Variants in F5 observed in about 807,000 individuals in gnomAD.
F5 encodes activated protein c cofactor.
A neutral mutation model predicts 216.4 loss-of-function variants in F5; 138 were observed. The observed-to-expected ratio is 0.64, with a 90% confidence interval of 0.56 to 0.73. The LOEUF is 0.73. F5 is among the 30% of genes least tolerant of loss of function. The pLI, the probability that F5 is intolerant of heterozygous loss-of-function variation, is 0.00. For missense variants in F5, 2,403 were observed against 2,674.0 expected, an observed-to-expected ratio of 0.90 and a Z score of 2.24; for synonymous variants, 916 against 930.7, an observed-to-expected ratio of 0.98 and a Z score of 0.29.
At position 169,529,788 on chromosome 1, in the gene F5, G is replaced by C. The variant is rs764200671; in HGVS notation, c.5239C>G (p.Pro1747Ala). 4 of 1,613,430 alleles carry C rather than the reference G, an allele frequency of 2.5e-6. No homozygotes were observed. In the East Asian group the frequency reaches 8.9e-5, roughly 36 times the overall value. ...ATTCCTTTTTGGCAGATTAGGAGGG[G>C]ACCTATCAAGCCTGAGTGAATATCT... The part of the protein sequence containing the change: ...EKDIHSGLIG[P>A]LLICQKGILH... The change falls in exon 16 of 25, where the codon CCC becomes GCC. Residue 1747 changes from proline (P) to alanine (A), a missense_variant. This residue lies in a region of F5 where 659 missense variants were observed against 787.9 expected (regional missense o/e 0.84). Transcript: ENST00000367797.
intron 5 of F5, among the ~76,000 whole-genome samples, chr1:169,557,918 G>A (rs1350102887): frequency 6.6e-6 from 1 of 152,046 alleles, no homozygotes; most frequent in African/African-American, 2.4e-5. Context: ...AAGGCAGAGG[G>A]TTTTTACAAA....
intron 7 of F5, among the ~76,000 whole-genome samples, chr1:169,553,394 T>C (rs1451723804): frequency 3.3e-5 from 5 of 152,104 alleles, no homozygotes; most frequent in Non-Finnish European, 7.4e-5. Context: ...ACATCAGTGT[T>C]CATGAGAGAA....
chr1:169,515,134 G>T (rs9332671), intron 24 of F5, among the ~76,000 whole-genome samples: 338 of 152,144 alleles, frequency 2.2e-3, no homozygotes, highest in African/African-American at 7.6e-3. Flanking sequence ...CTCAACTAAA[G>T]TGTATAACTT....
In F5 at chr1:169,550,865, A is replaced by G. The variant is rs531430838; in HGVS notation, c.1297-126T>C. On this transcript the variant is annotated intron_variant, in intron 8 of 24. Coordinates refer to ENST00000367797, the MANE Select transcript of F5 (RefSeq NM_000130.5). ...TATACATGTGTACACACAGTAGGAA[A>G]ATTAGATCTGTTTATCTGAGCAGTA... The G allele has an allele frequency of 1.4e-5, 10 of 707,668 alleles. 1 individual carries two copies. In the South Asian group the frequency reaches 1.6e-4, roughly 11 times the overall value. 43.8% of individuals were successfully genotyped at this position (707,668 alleles called of 1,614,324 possible).
At chr1:169,582,981 G>C (rs1315179806) in intron 1 of F5, among the ~76,000 whole-genome samples, 2 of 152,210 alleles carry the variant, frequency 1.3e-5, no homozygotes, top group African/African-American at 4.8e-5. Context: ...TGAGAGGTGA[G>C]AGATGGCTAA....
At chr1:169,567,495 C>G (rs1246059474) in intron 3 of F5, among the ~76,000 whole-genome samples, 1 of 150,670 alleles carries the variant, frequency 6.6e-6, no homozygotes, top group Non-Finnish European at 1.5e-5. Flanking sequence ...AGTGATGTAT[C>G]TATTCCAAAG....
At position 169,514,343 on chromosome 1, in the gene F5, G is replaced by A. The variant is rs777096123; in HGVS notation, c.6645C>T (p.Arg2215=). 76 of 1,613,170 alleles carry A rather than the reference G, an allele frequency of 4.7e-5. No homozygotes were observed. Among genetic ancestry groups the A allele is most frequent in the Non-Finnish European group, 6.3e-5 (74 of 1,179,538 alleles). Residue 2215 remains arginine (R), a synonymous_variant, in exon 25 of 25, where the codon CGC becomes CGT. Transcript: ENST00000367797. ...AAATATCACAGCCAAAGAGTTCCAG[G>A]CGAAGTGCAATACTTTGATTCCATG... ...PKTWNQSIAL[R]LELFGCDIY
intron 2 of F5, among the ~76,000 whole-genome samples, chr1:169,579,486 G>T (rs902981267): frequency 1.3e-5 from 2 of 151,928 alleles, no homozygotes; most frequent in African/African-American, 4.8e-5. Context: ...CTCTTTTGAG[G>T]GCCAAACTTC....
At chr1:169,519,845 G>C (rs1158360878) in intron 22 of F5, among the ~76,000 whole-genome samples, 2 of 152,108 alleles carry the variant, frequency 1.3e-5, no homozygotes, top group Admixed American at 1.3e-4. Context: ...GTGCTTTGAA[G>C]TAAAAAATAT....
rs755006563 is a variant in F5, at chr1:169,540,456, G to A, written c.4634C>T (p.Pro1545Leu). Residue 1545 changes from proline to leucine, a missense_variant, in exon 13 of 25, where the codon CCC (proline) becomes CTC (leucine). Physicochemically the swap from Pro to Leu is moderately conservative, Grantham distance 98. This residue lies in a region of F5 where 293 missense variants were observed against 270.8 expected (regional missense o/e 1.08). Transcript: ENST00000367797. ...ATCAGTTTTGTAGGGGTCATCATAG[G>A]GCACATAATCAATTTCAGCATAGTC... ...EDDYAEIDYVPYDDPYKTDVR... is the reference protein window; with the variant it reads ...EDDYAEIDYVLYDDPYKTDVR... The A allele has an allele frequency of 1.2e-5, 20 of 1,613,780 alleles. No individual in the cohort carries two copies. The highest frequency in any genetic ancestry group is 1.6e-5 in the Non-Finnish European group (19 of 1,179,950).
intron 23 of F5, 105 bp from the exon 24 acceptor site, chr1:169,515,731 C>G (rs147157282): frequency 1.8e-6 from 2 of 1,131,170 alleles, no homozygotes; most frequent in African/African-American, 3.1e-5. Flanking sequence ...GGATTTTGTT[C>G]TATCTTATCC....
At chr1:169,543,135 GAA>G (rs780464915) in intron 12 of F5, 21 bp from the exon 13 acceptor site, 15 of 1,606,834 alleles carry the variant, frequency 9.3e-6, no homozygotes, top group Non-Finnish European at 1.3e-5. Flanking sequence ...GAGACAGACA[GAA>G]GAGAGATCTG....
intron 23 of F5, among the ~76,000 whole-genome samples, chr1:169,516,325 A>G (rs1659154150): frequency 6.6e-6 from 1 of 152,204 alleles, no homozygotes; most frequent in Non-Finnish European, 1.5e-5. Context: ...GAGAAAGATC[A>G]GAAGGTCTAA....
At position 169,536,671 on chromosome 1, in the gene F5, ATC is replaced by A; in HGVS notation, c.4804_4805del (p.Asp1602TyrfsTer2). 1 of 1,609,456 alleles carries A rather than the reference ATC, an allele frequency of 6.2e-7. No individual in the cohort carries two copies. The highest frequency in any genetic ancestry group is 8.5e-7 in the Non-Finnish European group (1 of 1,175,896). On this transcript the variant is annotated frameshift_variant, in exon 14 of 25. Transcript: ENST00000367797. LOFTEE classifies it high-confidence loss of function. ...CTGGAATATCATCAGAGTCTTCAAT[ATC>A]TGTTTCCCTGAAATAATAATACTAT... Reference protein sequence around the residue: ...DYSEFVQRETDIEDSDDIPED... With the variant: ...DYSEFVQRETXIEDSDDIPED...
chr1:169,544,438 G>A lies in F5; in HGVS notation c.1833C>T (p.His611=). Residue 611 remains histidine, a synonymous_variant, in exon 12 of 25, where the codon CAC becomes CAT. Transcript: ENST00000367797. The part of the protein sequence containing the change: ...GFCFDDTVQW[H]FCSVGTQNEI... ...CATTCTGGGTCCCCACACTACAGAA[G>A]TGCCACTGGACAGTGTCATCAAAGC... is the stretch of plus-strand genomic sequence containing the variant. 3 of 1,614,148 alleles carry A rather than the reference G, an allele frequency of 1.9e-6. No homozygotes were observed. The highest frequency in any genetic ancestry group is 1.3e-5 in the African/African-American group (1 of 75,048).
Position 169,526,015 on chromosome 1 carries a change from A to G in F5, c.5602T>C (p.Ser1868Pro), listed in dbSNP as rs1460772257. The part of the protein sequence containing the change: ...QLGVWPLLPG[S>P]FKTLEMKASK... ...GCCTTCATTTCAAGAGTTTTAAATG[A>G]ACCTAAAATAAAAAGAACAACATTA... Residue 1868 changes from serine to proline, a missense_variant and splice_region_variant, in exon 18 of 25, where the codon TCA becomes CCA. Physicochemically the swap from Ser to Pro is moderately conservative, Grantham distance 74. Transcript: ENST00000367797. 1.2e-6 allele frequency: 2 copies of G among 1,604,320 alleles called. No individual in the cohort carries two copies. Among genetic ancestry groups the G allele is most frequent in the Non-Finnish European group, 1.7e-6 (2 of 1,171,822 alleles).
At chr1:169,546,805 A>C (rs1246285326) in intron 10 of F5, among the ~76,000 whole-genome samples, 2 of 152,036 alleles carry the variant, frequency 1.3e-5, no homozygotes, top group Non-Finnish European at 2.9e-5. Flanking sequence ...TTCTTACATC[A>C]TATACAAAAA....
chr1:169,555,110 A>AC, intron 7 of F5, 72 bp downstream of exon 7: 1 of 1,560,496 alleles, frequency 6.4e-7, no homozygotes, highest in Non-Finnish European at 8.8e-7. Context: ...CTTACATTTC[A>AC]CCCCAAACAT....
chr1:169,542,403 T>A lies in F5; in HGVS notation c.2687A>T (p.Gln896Leu), dbSNP rs772755857. ...CATTCCGGAAGGAGAACCAGTGTCT[T>A]GGCTTAGGTGTCTCCCAACTTTATG... ...LAHKVGRHLS[Q>L]DTGSPSGMRP... is the part of the protein sequence containing the mutation. The change falls in exon 13 of 25, where the codon CAA becomes CTA. Residue 896 changes from glutamine (Q) to leucine (L), a missense_variant. Gln to Leu is a moderately radical substitution (Grantham distance 113, BLOSUM62 -2). Coordinates refer to ENST00000367797, the MANE Select transcript of F5 (RefSeq NM_000130.5). 2.3e-5 allele frequency: 37 copies of A among 1,613,984 alleles called. No homozygotes were observed. Among genetic ancestry groups the A allele is most frequent in the Non-Finnish European group, 2.5e-6 (3 of 1,179,992 alleles).
Sources: gnomAD v4.1 joint callset for allele counts (sites outside exome capture counted in the v4.1 genomes callset) on GRCh38, gnomAD v4.1.1 for gene constraint, gnomAD v4.1.1 regional missense constraint, MANE v1.5 for transcripts, NCBI Gene and HGNC (gene_info 2026-07-23, HGNC 2026-07-21) for gene names.